COG8: variants seen among roughly 807,000 people sequenced by gnomAD.
COG8 encodes the protein component of oligomeric golgi complex 8, also known as conserved oligomeric Golgi complex subunit 8.
A neutral mutation model predicts 46.5 loss-of-function variants in COG8; 45 were observed. The observed-to-expected ratio is 0.97, with a 90% CI of 0.76 to 1.24. COG8 has a LOEUF of 1.24. COG8 is among the 50% of genes most tolerant of loss of function. COG8 has a pLI of 0.00. For missense variants in COG8, 793 were observed against 820.8 expected (o/e 0.97, Z 0.41); for synonymous variants, 407 against 347.8 (o/e 1.17, Z -1.90).
Position 69,330,848 on chromosome 16 carries a change from C to T in COG8, c.1830G>A (p.Val610=). 1 of 1,539,350 alleles carries T rather than the reference C, an allele frequency of 6.5e-7. No homozygotes were observed. The highest frequency in any genetic ancestry group is 8.7e-7 in the Non-Finnish European group (1 of 1,144,972). The stretch of plus-strand genomic sequence containing the variant: ...AGGCAGGGGACGCCGGCTAGGGCCC[C>T]ACGCTGGGCGGTTCGGCCTGCGTCT... The part of the protein sequence containing the change: ...RAETQAEPPS[V]GP The change falls in exon 5 of 6, where the codon GTG becomes GTA. Residue 610 remains valine, a synonymous_variant. Coordinates refer to ENST00000306875, the MANE Select transcript of COG8 (RefSeq NM_032382.5).
Position 69,328,810 on chromosome 16 carries a change from T to C in COG8, c.*396A>G. On this transcript the variant is annotated 3_prime_UTR_variant, in exon 6 of 6. Coordinates refer to ENST00000306875, the MANE Select transcript of COG8 (RefSeq NM_032382.5). ...ATGTCCACTCCTTTGGGGGTGATTT[T>C]TCTCCTCAAGTTGTAGCCAACATTT... is the stretch of plus-strand genomic sequence containing the variant. 1 of 605,728 alleles carries C rather than the reference T, an allele frequency of 1.7e-6. No individual in the cohort carries two copies. The highest frequency in any genetic ancestry group is 2.7e-6 in the Non-Finnish European group (1 of 363,940). 37.5% of individuals were successfully genotyped at this position (605,728 alleles called of 1,614,324 possible). A position where few individuals can be genotyped will look rare whatever the true frequency, so the allele number is the denominator to read the frequency against.
At chr16:69,330,389 T>G in intron 5 of COG8, 1 of 1,479,346 alleles carries the variant, frequency 6.8e-7, no homozygotes. Context: ...GAACGGCGGT[T>G]CGGGAGGACC....
rs538076531 is a variant in COG8 at position 69,339,529 on chromosome 16, T to C, written c.24A>G (p.Pro8=). ...CCGCTGCTGTGGCCGTGGCTACCGA[T>C]GGGATAGTCGCCGCGGTCGCCATCT... MATAATI[P]SVATATAAAL... Residue 8 remains proline (P), a synonymous_variant, in exon 1 of 6, where the codon CCA becomes CCG. Transcript: ENST00000306875. 2.4e-5 allele frequency: 39 copies of C among 1,608,578 alleles called. 1 individual carries two copies. In the Admixed American group the frequency reaches 5.8e-4, roughly 24 times the overall value.
intron 5 of COG8, 136 bp downstream of exon 5, chr16:69,330,677 C>T: frequency 7.2e-7 from 1 of 1,395,270 alleles, no homozygotes; most frequent in Non-Finnish European, 9.3e-7. Context: ...TGGATCCCCG[C>T]CTTCCTGCTT....
rs190388086 is a variant in COG8, at chr16:69,327,766, C to T, written c.*1440G>A. ...GTGTGGCTCACAACTGATCCCAGCA[C>T]TTTGGGAGGCCGAGGCAGGAGGATT... On this transcript the variant is annotated 3_prime_UTR_variant, in exon 6 of 6. Transcript: ENST00000306875. 1 of 151,932 alleles carries T rather than the reference C, an allele frequency of 6.6e-6. No individual in the cohort carries two copies. Among genetic ancestry groups the T allele is most frequent in the African/African-American group, 2.4e-5 (1 of 41,424 alleles). The allele number at this position is 151,932 out of a possible 1,614,324, so 9.4% of individuals were successfully genotyped here.
Position 69,339,230 on chromosome 16 carries a change from T to G in COG8, c.323A>C (p.Glu108Ala). 6.2e-7 allele frequency: 1 copy of G among 1,612,754 alleles called. No individual in the cohort carries two copies. Among genetic ancestry groups the G allele is most frequent in the Non-Finnish European group, 8.5e-7 (1 of 1,179,854 alleles). The change falls in exon 1 of 6, where the codon GAG becomes GCG. Residue 108 changes from glutamate (E) to alanine (A), a missense_variant. Transcript: ENST00000306875. ...ERIHRLFGDV[E>A]ASLGRLLDRL... ...GTCGAGCAGGCGGCCGAGCGACGCC[T>G]CCACGTCGCCAAACAGGCGGTGGAT...
rs2011971010 is a variant in COG8, at chr16:69,332,840, C to T, written c.1456G>A (p.Ala486Thr). 9 of 1,614,240 alleles carry T rather than the reference C, an allele frequency of 5.6e-6. No individual in the cohort carries two copies. Among genetic ancestry groups the T allele is most frequent in the Non-Finnish European group, 7.6e-6 (9 of 1,180,044 alleles). The change falls in exon 4 of 6, where the codon GCC becomes ACC. Residue 486 changes from alanine to threonine, a missense_variant. Ala to Thr is a moderately conservative substitution (Grantham distance 58). Transcript: ENST00000306875. ...AGCTCTTGCTCCCCGCTGCTGAAGG[C>T]AGCCTCTTCAGCGCGATGGAAGGCC... is the stretch of plus-strand genomic sequence containing the variant. ...ILAFHRAEEA[A>T]FSSGEQELFV...
Position 69,335,365 on chromosome 16 carries a change from A to AGAGTCACACTGC in COG8, c.586-29_586-18dup. The AGAGTCACACTGC allele has an allele frequency of 6.4e-7, 1 of 1,570,616 alleles. No homozygotes were observed. Among genetic ancestry groups the AGAGTCACACTGC allele is most frequent in the East Asian group, 2.3e-5 (1 of 43,154 alleles). Reference sequence around the variant, plus strand: ...CACGATGCCCTGACAATACACAGAGAGAGTCACACTGCGCTGGGAAGGATG... The same window carrying AGAGTCACACTGC: ...CACGATGCCCTGACAATACACAGAGAGAGTCACACTGCGAGTCACACTGCGCTGGGAAGGATG... On this transcript the variant is annotated splice_polypyrimidine_tract_variant and intron_variant, in intron 2 of 5. Coordinates refer to ENST00000306875, the MANE Select transcript of COG8 (RefSeq NM_032382.5).
At chr16:69,332,996 T>C in intron 3 of COG8, 114 bp from the exon 4 acceptor site, 2 of 914,590 alleles carry the variant, frequency 2.2e-6, no homozygotes, top group Non-Finnish European at 3.6e-6. Flanking sequence ...ACAAAGTAAT[T>C]TAACAGTACA....
rs1196656945 is a variant in COG8, at chr16:69,334,999, C to T, written c.935G>A (p.Ser312Asn). ...TAGCACCCAGCCATGGAAGATGGCA[C>T]TCTCATTCACAGTGTGCTCACCCAT... ...PAMGEHTVNE[S>N]AIFHGWVLQK... The change falls in exon 3 of 6, where the codon AGT (serine) becomes AAT (asparagine). Residue 312 changes from serine to asparagine, a missense_variant. Physicochemically the swap from Ser to Asn is conservative, Grantham distance 46. Transcript: ENST00000306875. 3 of 1,614,074 alleles carry T rather than the reference C, an allele frequency of 1.9e-6. No individual in the cohort carries two copies. The highest frequency in any genetic ancestry group is 1.3e-5 in the African/African-American group (1 of 74,926).
intron 4 of COG8, among the ~76,000 whole-genome samples, chr16:69,332,137 G>A (rs1285124085): frequency 6.6e-6 from 1 of 152,134 alleles, no homozygotes; most frequent in Non-Finnish European, 1.5e-5. Context: ...GCGGATCACA[G>A]GTCAAGAGAT....
intron 5 of COG8, chr16:69,330,611 C>T (rs2143315851): frequency 7.1e-7 from 1 of 1,413,290 alleles, no homozygotes; most frequent in Non-Finnish European, 9.1e-7. Flanking sequence ...CCCTTCCGGC[C>T]GCAGCGCGGG....
intron 5 of COG8, 106 bp downstream of exon 5, chr16:69,330,707 C>T (rs1467534826): frequency 2.1e-6 from 3 of 1,401,084 alleles, no homozygotes; most frequent in African/African-American, 1.5e-5. Flanking sequence ...GTGAGCACCG[C>T]CCCCTTCCGC....
intron 1 of COG8, among the ~76,000 whole-genome samples, chr16:69,337,371 C>T (rs2012262828): frequency 6.6e-6 from 1 of 151,046 alleles, no homozygotes; most frequent in Non-Finnish European, 1.5e-5. Context: ...TAACATAGAA[C>T]TTGAAACAGA....
In COG8 at chr16:69,330,748, G is replaced by A; in HGVS notation, c.*26+65C>T. ...TCCCGGGAGCGCCTTCCCGCCTCCC[G>A]AACCCGCCCCGGACCTTCCAGGGCG... On this transcript the variant is annotated intron_variant, in intron 5 of 5. Coordinates refer to ENST00000306875, the MANE Select transcript of COG8 (RefSeq NM_032382.5). 4.2e-6 allele frequency: 6 copies of A among 1,435,814 alleles called. No individual in the cohort carries two copies. The South Asian group carries it at 4.4e-5, about 11-fold the overall frequency. 88.9% of individuals were successfully genotyped at this position (1,435,814 alleles called of 1,614,324 possible). A position where few individuals can be genotyped will look rare whatever the true frequency, so the allele number is the denominator to read the frequency against.
intron 5 of COG8, 137 bp downstream of exon 5, chr16:69,330,676 G>A (rs1391947080): frequency 1.4e-6 from 2 of 1,392,558 alleles, no homozygotes; most frequent in Non-Finnish European, 1.9e-6. Context: ...CTGGATCCCC[G>A]CCTTCCTGCT....
intron 3 of COG8, among the ~76,000 whole-genome samples, chr16:69,333,145 T>G (rs555450650): frequency 1.3e-5 from 2 of 151,384 alleles, no homozygotes; most frequent in Admixed American, 6.6e-5. Context: ...CATAAAACTA[T>G]AGAGAGAATA....
At chr16:69,335,397 A>G (rs2012154623) in intron 2 of COG8, 49 bp from the exon 3 acceptor site, 2 of 1,441,960 alleles carry the variant, frequency 1.4e-6, no homozygotes, top group East Asian at 2.5e-5. Context: ...GATGCTCTCT[A>G]GAACCCATTC....
chr16:69,333,815 A>G (rs555168152), intron 3 of COG8, among the ~76,000 whole-genome samples: 19 of 152,344 alleles, frequency 1.2e-4, no homozygotes, highest in African/African-American at 4.3e-4. Context: ...ATAGGGAGAC[A>G]CTATCTCTCT....
Sources: gnomAD v4.1 joint callset for allele counts (sites outside exome capture counted in the v4.1 genomes callset) on GRCh38, gnomAD v4.1.1 for gene constraint, MANE v1.5 for transcripts, NCBI Gene and HGNC (gene_info 2026-07-23, HGNC 2026-07-21) for gene names.